The following WDR7 variants were observed in gnomAD, a reference collection of about 807,000 sequenced individuals.
WDR7 encodes the protein WD repeat-containing protein 7.
WDR7 carries 46 observed loss-of-function variants against 169.4 expected under a neutral mutation model. The observed-to-expected ratio is 0.27, with a 90% CI of 0.21 to 0.35. WDR7 has a LOEUF of 0.35. Ranked by LOEUF, WDR7 falls within the 10% of genes least tolerant of loss-of-function variation. The pLI is 1.00. For synonymous variants in WDR7, 612 were observed against 666.8 expected (o/e 0.92, Z 1.27); for missense variants, 1,534 against 1,859.3 (o/e 0.83, Z 3.22).
chr18:56,954,047 A>G (rs968753542), intron 25 of WDR7, among the ~76,000 whole-genome samples: 2 of 152,222 alleles, frequency 1.3e-5, no homozygotes, highest in African/African-American at 4.8e-5. Context: ...GCTTTCCAGT[A>G]GATATTAAAG....
chr18:56,715,878 T>C (rs1013229099), intron 12 of WDR7, among the ~76,000 whole-genome samples: 2 of 152,206 alleles, frequency 1.3e-5, no homozygotes, highest in African/African-American at 4.8e-5. Flanking sequence ...TAGAATATTG[T>C]ATTTAACCAT....
chr18:56,994,513 T>C (rs771683556), intron 26 of WDR7, among the ~76,000 whole-genome samples: 2 of 152,176 alleles, frequency 1.3e-5, no homozygotes, highest in African/African-American at 2.4e-5. Context: ...AAAAAAAGAG[T>C]TTGTTCACAT....
intron 13 of WDR7, among the ~76,000 whole-genome samples, chr18:56,724,581 G>A (rs1291954443): frequency 2.6e-5 from 4 of 151,336 alleles, no homozygotes; most frequent in Non-Finnish European, 4.4e-5. Flanking sequence ...GGATATTTTT[G>A]TATTCCTGTA....
At chr18:57,025,400 A>G (rs908332610) in intron 27 of WDR7, among the ~76,000 whole-genome samples, 7 of 152,226 alleles carry the variant, frequency 4.6e-5, no homozygotes, top group Admixed American at 2.0e-4. Flanking sequence ...CTATTTGGGA[A>G]CATCCAAGAA....
chr18:56,694,871 A>G (rs1375824359), intron 10 of WDR7, 79 bp from the exon 11 acceptor site: 3 of 1,542,248 alleles, frequency 1.9e-6, no homozygotes, highest in South Asian at 2.5e-5. Flanking sequence ...TACTGGATCA[A>G]TCAACATTAT....
intron 22 of WDR7, among the ~76,000 whole-genome samples, chr18:56,929,336 C>T (rs2046849508): frequency 6.6e-6 from 1 of 152,170 alleles, no homozygotes; most frequent in African/African-American, 2.4e-5. Flanking sequence ...GCCTTATTTA[C>T]ATATCAGTAA....
intron 22 of WDR7, among the ~76,000 whole-genome samples, chr18:56,934,884 A>G (rs1051941041): frequency 2.0e-5 from 3 of 152,224 alleles, no homozygotes; most frequent in Admixed American, 2.0e-4. Flanking sequence ...ATTGTATTCC[A>G]TACTGAGTAA....
intron 20 of WDR7, among the ~76,000 whole-genome samples, chr18:56,820,339 C>CAAAAAAAAAAAA (rs386387798): frequency 1.2e-4 from 5 of 42,480 alleles, no homozygotes; most frequent in African/African-American, 5.0e-4. Context: ...CTGACATTGT[C>CAAAAAAAAAAAA]AAAAAAAAAA....
intron 7 of WDR7, among the ~76,000 whole-genome samples, chr18:56,690,281 AT>A (rs1335803292): frequency 2.6e-5 from 4 of 152,210 alleles, no homozygotes; most frequent in Non-Finnish European, 5.9e-5. Context: ...GTCATATGAG[AT>A]AATAATTGTA....
intron 26 of WDR7, among the ~76,000 whole-genome samples, chr18:57,013,466 GTTTTAAATTA>G (rs1209921703): frequency 1.9e-5 from 1 of 53,726 alleles, no homozygotes; most frequent in Non-Finnish European, 6.2e-5. Context: ...TCCACTTTTT[GTTTTAAATTA>G]AAGTATTACG....
At chr18:56,858,904 A>T (rs920484371) in intron 20 of WDR7, among the ~76,000 whole-genome samples, 1 of 152,186 alleles carries the variant, frequency 6.6e-6, no homozygotes, top group Non-Finnish European at 1.5e-5. Flanking sequence ...CAGTAAGTAG[A>T]ATAAATTAGT....
At chr18:56,862,498 AAT>A in intron 20 of WDR7, among the ~76,000 whole-genome samples, 1 of 151,780 alleles carries the variant, frequency 6.6e-6, no homozygotes, top group Middle Eastern at 4.5e-3. Context: ...ATATTAAAGA[AAT>A]ATTTGAAATG....
rs548968740 is a variant in WDR7 at position 56,966,869 on chromosome 18, A to T, written c.4164+4340A>T. On this transcript the variant is annotated intron_variant, in intron 26 of 27. Coordinates refer to ENST00000254442, the MANE Select transcript of WDR7 (RefSeq NM_015285.3). ...AGGATTCTTGTTCAAACTGGATTCA[A>T]GAAGGACAGAGAGGGAAGCCCAAGT... Among the ~76,000 whole-genome samples, 3 of 152,220 alleles carry T rather than the reference A, an allele frequency of 2.0e-5. No individual in the cohort carries two copies. In the South Asian group the frequency reaches 6.2e-4, roughly 32 times the overall value.
intron 25 of WDR7, among the ~76,000 whole-genome samples, chr18:56,952,222 C>A (rs1421154745): frequency 1.3e-5 from 2 of 152,196 alleles, no homozygotes; most frequent in Non-Finnish European, 2.9e-5. Context: ...ACAGCGAATT[C>A]CAGGTGGTGA....
intron 11 of WDR7, 83 bp downstream of exon 11, chr18:56,695,281 A>C: frequency 6.6e-7 from 1 of 1,525,000 alleles, no homozygotes; most frequent in Non-Finnish European, 8.8e-7. Context: ...TTTGTTTTTA[A>C]ATAAATACAG....
At chr18:56,849,488 T>A (rs2045612310) in intron 20 of WDR7, among the ~76,000 whole-genome samples, 1 of 152,196 alleles carries the variant, frequency 6.6e-6, no homozygotes, top group Admixed American at 6.5e-5. Flanking sequence ...TGCTACTAAA[T>A]CTTTAGCCCA....
chr18:56,889,598 A>C (rs146173048), intron 21 of WDR7, among the ~76,000 whole-genome samples: 1 of 152,218 alleles, frequency 6.6e-6, no homozygotes, highest in South Asian at 2.1e-4. Context: ...AATTGAGGGC[A>C]TAGGTTAAAT....
chr18:56,825,513 G>A (rs1350109672), intron 20 of WDR7, among the ~76,000 whole-genome samples: 2 of 152,142 alleles, frequency 1.3e-5, no homozygotes, highest in Non-Finnish European at 2.9e-5. Flanking sequence ...AGAAAATGAG[G>A]CACAGAATGG....
intron 16 of WDR7, among the ~76,000 whole-genome samples, chr18:56,762,876 A>AT (rs2043999359): frequency 7.1e-6 from 1 of 140,490 alleles, no homozygotes; most frequent in Admixed American, 7.2e-5. Context: ...CTTTTGTCCA[A>AT]TTTTTCTTAC....
Sources: gnomAD v4.1 joint callset for allele counts (sites outside exome capture counted in the v4.1 genomes callset) on GRCh38, gnomAD v4.1.1 for gene constraint, MANE v1.5 for transcripts, NCBI Gene and HGNC (gene_info 2026-07-23, HGNC 2026-07-21) for gene names.